The following ROBO1 variants were observed in gnomAD, a reference collection of about 807,000 sequenced individuals.
The protein encoded by ROBO1 is roundabout homolog 1.
In ROBO1, 149 loss-of-function variants were observed where a neutral mutation model predicts 195.9. The ratio of observed to expected loss-of-function variants is 0.76; its 90% CI spans 0.67 to 0.87. ROBO1 has a LOEUF of 0.87. Among genes scored for constraint, ROBO1 ranks in the 40% least tolerant of loss-of-function variants. The probability of loss-of-function intolerance (pLI) is 0.00; values close to 1 mark genes in which losing one functional copy is unlikely to be tolerated. For synonymous variants in ROBO1, 816 were observed against 733.2 expected (o/e 1.11, Z -1.82); for missense variants, 1,933 against 2,068.3 (o/e 0.93, Z 1.27).
chr3:78,749,148 T>C (rs532013331), intron 4 of ROBO1, among the ~76,000 whole-genome samples: 1 of 152,256 alleles, frequency 6.6e-6, no homozygotes, highest in South Asian at 2.1e-4. Context: ...ACATTATTAA[T>C]CAATGATAAC....
intron 2 of ROBO1, among the ~76,000 whole-genome samples, chr3:79,359,646 C>T (rs1290872971): frequency 2.0e-5 from 3 of 151,874 alleles, no homozygotes; most frequent in African/African-American, 7.3e-5. Context: ...TCCAGTAAAC[C>T]ATGAAACCAA....
At chr3:79,432,157 C>A (rs1056460145) in intron 2 of ROBO1, among the ~76,000 whole-genome samples, 3 of 152,030 alleles carry the variant, frequency 2.0e-5, no homozygotes, top group Non-Finnish European at 4.4e-5. Context: ...GATACAGAGG[C>A]TGCCTTGAAA....
At chr3:79,026,352 A>G (rs1317223198) in intron 3 of ROBO1, among the ~76,000 whole-genome samples, 1 of 152,094 alleles carries the variant, frequency 6.6e-6, no homozygotes, top group Admixed American at 6.5e-5. Context: ...AAAGTAATAT[A>G]ATTTTTACAG....
intron 1 of ROBO1, among the ~76,000 whole-genome samples, chr3:79,697,184 A>C (rs1248683175): frequency 1.3e-5 from 2 of 151,646 alleles, no homozygotes; most frequent in Admixed American, 6.6e-5. Flanking sequence ...TTTCCACCTA[A>C]GTAATTAAGA....
intron 4 of ROBO1, among the ~76,000 whole-genome samples, chr3:78,843,409 A>T (rs1435497704): frequency 2.0e-5 from 3 of 152,056 alleles, no homozygotes; most frequent in Non-Finnish European, 4.4e-5. Context: ...GTTAAGGAGG[A>T]GTGAAACATT....
At chr3:78,870,817 A>C (rs2035500819) in intron 4 of ROBO1, among the ~76,000 whole-genome samples, 1 of 152,196 alleles carries the variant, frequency 6.6e-6, no homozygotes, top group Non-Finnish European at 1.5e-5. Flanking sequence ...AAGTGTCACA[A>C]GCCAACAGTA....
At chr3:79,336,918 A>G (rs925935760) in intron 2 of ROBO1, among the ~76,000 whole-genome samples, 1 of 152,198 alleles carries the variant, frequency 6.6e-6, no homozygotes, top group African/African-American at 2.4e-5. Context: ...AAAGGAGATC[A>G]TTTTGTAACT....
At chr3:79,251,076 A>C (rs970402957) in intron 2 of ROBO1, among the ~76,000 whole-genome samples, 5 of 152,204 alleles carry the variant, frequency 3.3e-5, no homozygotes, top group Non-Finnish European at 7.3e-5. Context: ...ACAACAAAAA[A>C]GGAAATCAGT....
At chr3:78,662,177 T>C (rs1707459425) in intron 14 of ROBO1, 63 bp from the exon 15 acceptor site, 2 of 1,492,172 alleles carry the variant, frequency 1.3e-6, no homozygotes, top group Non-Finnish European at 9.0e-7. Flanking sequence ...AATGAAAGCA[T>C]GGTGAAACAA....
chr3:78,968,689 A>T (rs1034217085), intron 3 of ROBO1, among the ~76,000 whole-genome samples: 1 of 151,906 alleles, frequency 6.6e-6, no homozygotes, highest in Non-Finnish European at 1.5e-5. Context: ...TTTCTTTTTT[A>T]GGAGTTGTTT....
At chr3:79,479,050 C>T (rs1340916458) in intron 2 of ROBO1, among the ~76,000 whole-genome samples, 1 of 152,220 alleles carries the variant, frequency 6.6e-6, no homozygotes, top group Non-Finnish European at 1.5e-5. Flanking sequence ...TGTATTATAA[C>T]ACTTACACAT....
chr3:79,194,212 T>C (rs866227342), intron 2 of ROBO1, among the ~76,000 whole-genome samples: 1 of 151,724 alleles, frequency 6.6e-6, no homozygotes, highest in African/African-American at 2.4e-5. Flanking sequence ...TGTTTTACAA[T>C]AATGGTAAAG....
Position 78,627,551 on chromosome 3 carries a change from T to A in ROBO1, c.3645A>T (p.Pro1215=). ...ACATCCTTGCTGGTGGCACGGGACA[T>A]GGCATTTCTTGGTCATAGCTAAAAT... ...SVDESYDQEM[P]CPVPPARMYL... The change falls in exon 26 of 31, where the codon CCA becomes CCT. Residue 1215 remains proline (P), a synonymous_variant. Coordinates refer to ENST00000464233, the MANE Select transcript of ROBO1 (RefSeq NM_002941.4). The A allele has an allele frequency of 6.2e-7, 1 of 1,612,320 alleles. No homozygotes were observed. The highest frequency in any genetic ancestry group is 8.5e-7 in the Non-Finnish European group (1 of 1,179,152).
In ROBO1 at chr3:79,647,883, A is replaced by G. The variant is rs1945880415; in HGVS notation, c.-50-57922T>C. Among the ~76,000 whole-genome samples, 5 of 152,116 alleles carry G rather than the reference A, an allele frequency of 3.3e-5. No individual in the cohort carries two copies. In the South Asian group the frequency reaches 1.0e-3, roughly 32 times the overall value. ...TCAGTTCTTTAAGATAGATTGTCTT[A>G]CTTGTTTTTATTAATCTTTGAAAAA... On this transcript the variant is annotated intron_variant, in intron 1 of 30. Transcript: ENST00000464233.
intron 4 of ROBO1, among the ~76,000 whole-genome samples, chr3:78,904,153 A>G (rs887612060): frequency 2.0e-5 from 3 of 151,614 alleles, no homozygotes; most frequent in Admixed American, 1.3e-4. Flanking sequence ...TATACAATAT[A>G]TATACACATA....
intron 5 of ROBO1, among the ~76,000 whole-genome samples, chr3:78,745,753 G>A (rs1311669096): frequency 6.6e-6 from 1 of 152,130 alleles, no homozygotes; most frequent in East Asian, 1.9e-4. Context: ...AAAATAAAAT[G>A]CTTAATTTTC....
At chr3:79,267,117 T>C (rs2030036968) in intron 2 of ROBO1, among the ~76,000 whole-genome samples, 1 of 151,476 alleles carries the variant, frequency 6.6e-6, no homozygotes. Context: ...AAAAATCAGT[T>C]TATTAGTCAT....
At chr3:79,378,307 G>A (rs994556143) in intron 2 of ROBO1, among the ~76,000 whole-genome samples, 6 of 151,764 alleles carry the variant, frequency 4.0e-5, no homozygotes, top group African/African-American at 1.2e-4. Context: ...CTTTTCCCTC[G>A]GTGCCAGCCT....
chr3:79,161,354 TAA>T (rs148441985), intron 2 of ROBO1, among the ~76,000 whole-genome samples: 8,190 of 152,176 alleles, frequency 0.054, 286 homozygotes, highest in Middle Eastern at 0.099. Context: ...GTATTTGATA[TAA>T]GTGACAATTC....
Sources: allele counts gnomAD v4.1 joint callset (sites outside exome capture counted in the v4.1 genomes callset), GRCh38; gene constraint gnomAD v4.1.1; transcripts MANE v1.5; gene names NCBI Gene and HGNC (gene_info 2026-07-23, HGNC 2026-07-21).